Variants in IDE observed in about 807,000 individuals in gnomAD.
IDE encodes insulin-degrading enzyme.
IDE carries 58 observed loss-of-function variants against 133.2 expected under a neutral mutation model. The observed-to-expected ratio is 0.44, with a 90% CI of 0.35 to 0.54. The LOEUF (loss-of-function observed/expected upper bound fraction) is 0.54, where lower values mean the gene tolerates loss of function less well. Ranked by LOEUF, IDE falls within the 20% of genes least tolerant of loss-of-function variation. IDE has a pLI of 0.00. For synonymous variants in IDE, 396 were observed against 421.3 expected (o/e 0.94, Z 0.73); for missense variants, 981 against 1,234.0 (o/e 0.79, Z 3.07).
At chr10:92,495,575 T>C (rs1205150232) in intron 11 of IDE, among the ~76,000 whole-genome samples, 1 of 151,986 alleles carries the variant, frequency 6.6e-6, no homozygotes, top group African/African-American at 2.4e-5. Context: ...GGTCTCCAAC[T>C]CCTGACCTCA....
intron 3 of IDE, among the ~76,000 whole-genome samples, chr10:92,533,269 T>C (rs1420969216): frequency 6.6e-6 from 1 of 152,144 alleles, no homozygotes; most frequent in Non-Finnish European, 1.5e-5. Context: ...AGAGATGAAA[T>C]TCAGTGTATG....
At chr10:92,538,142 A>C (rs1201891222) in intron 1 of IDE, among the ~76,000 whole-genome samples, 3 of 152,150 alleles carry the variant, frequency 2.0e-5, no homozygotes, top group Non-Finnish European at 4.4e-5. Context: ...CCAATGTGCT[A>C]GGATTACAAG....
Position 92,461,210 on chromosome 10 carries a change from T to C in IDE, c.2804A>G (p.Asp935Gly). The C allele has an allele frequency of 2.8e-6, 4 of 1,440,400 alleles. No homozygotes were observed. Among genetic ancestry groups the C allele is most frequent in the Non-Finnish European group, 3.9e-6 (4 of 1,023,154 alleles). 89.2% of individuals were successfully genotyped at this position (1,440,400 alleles called of 1,614,324 possible). A position where few individuals can be genotyped will look rare whatever the true frequency, so the allele number is the denominator to read the frequency against. Residue 935 changes from aspartate to glycine, a missense_variant, in exon 22 of 25, where the codon GAT becomes GGT. This residue lies in a region of IDE where 660 missense variants were observed against 894.7 expected (regional missense o/e 0.74). Transcript: ENST00000265986. ...VAYLKTLTKE[D>G]IIKFYKEMLA... Reference sequence around the variant, plus strand: ...ACTTACCTTGTAGAATTTGATGATATCTTCCTTGGTAAGTGTCTTTAAATA... The same window carrying C: ...ACTTACCTTGTAGAATTTGATGATACCTTCCTTGGTAAGTGTCTTTAAATA...
intron 13 of IDE, among the ~76,000 whole-genome samples, chr10:92,485,301 A>G (rs1846921928): frequency 6.6e-6 from 1 of 151,658 alleles, no homozygotes. Flanking sequence ...AATTTTTTTT[A>G]GTAGAGACGG....
At chr10:92,493,384 G>A (rs975994404) in intron 11 of IDE, among the ~76,000 whole-genome samples, 20 of 151,274 alleles carry the variant, frequency 1.3e-4, no homozygotes, top group African/African-American at 3.9e-4. Flanking sequence ...TCCATGAAAC[G>A]CTTGATTTCT....
chr10:92,527,157 A>C (rs1849669072), intron 4 of IDE, among the ~76,000 whole-genome samples: 1 of 152,140 alleles, frequency 6.6e-6, no homozygotes, highest in Non-Finnish European at 1.5e-5. Flanking sequence ...AGCGAACCAG[A>C]CTCAGTGGCA....
At chr10:92,515,192 T>C (rs373229782) in intron 4 of IDE, 150 bp from the exon 5 acceptor site, 19 of 615,892 alleles carry the variant, frequency 3.1e-5, no homozygotes, top group East Asian at 1.1e-4. Flanking sequence ...GTTAAGTGAA[T>C]AAACAGGATA....
chr10:92,543,118 C>T (rs1453104698), intron 1 of IDE, among the ~76,000 whole-genome samples: 1 of 152,158 alleles, frequency 6.6e-6, no homozygotes. Context: ...GGTGAGTGAT[C>T]ACGTTAATAG....
intron 4 of IDE, among the ~76,000 whole-genome samples, chr10:92,516,257 G>A (rs889970715): frequency 7.2e-5 from 11 of 152,056 alleles, no homozygotes; most frequent in Non-Finnish European, 7.4e-5. Flanking sequence ...ACTTTGGGAG[G>A]CCAAGATGGG....
rs1011432494 is a variant in IDE at position 92,573,939 on chromosome 10, A to C, written c.81T>G (p.Pro27=). The C allele has an allele frequency of 6.8e-7, 1 of 1,468,634 alleles. No individual in the cohort carries two copies. The highest frequency in any genetic ancestry group is 1.4e-5 in the South Asian group (1 of 73,540). 91.0% of individuals were successfully genotyped at this position (1,468,634 alleles called of 1,614,324 possible). Residue 27 remains proline, a synonymous_variant, in exon 1 of 25, where the codon CCT becomes CCG. Transcript: ENST00000265986. ...FRSVLGARLP[P]PERLCGFQKK... ...CCGCTTACCCACACAGGCGCTCCGG[A>C]GGCGGCAGGCGGGCGCCGAGGACTG...
intron 22 of IDE, among the ~76,000 whole-genome samples, chr10:92,460,888 A>T (rs520711): frequency 0.85 from 129,387 of 152,262 alleles, 55,197 homozygotes; most frequent in East Asian, 0.94. Context: ...TCACCCAGAC[A>T]GGAGTGCAGT....
Position 92,507,620 on chromosome 10 carries a change from C to T in IDE, c.1200G>A (p.Lys400=). Residue 400 remains lysine (K), a synonymous_variant, in exon 9 of 25, where the codon AAG becomes AAA. Transcript: ENST00000265986. ...ATTCTTGAGGTCCTTCTGCACGTAA[C>T]TTCTGAATGTATTGAAACATGTGCA... ...IILHMFQYIQ[K]LRAEGPQEWV... 6.2e-7 allele frequency: 1 copy of T among 1,610,322 alleles called. No individual in the cohort carries two copies. Among genetic ancestry groups the T allele is most frequent in the Non-Finnish European group, 8.5e-7 (1 of 1,176,528 alleles).
chr10:92,496,719 G>A lies in IDE; in HGVS notation c.1431-6124C>T, dbSNP rs534388105. 4.2e-4 allele frequency among the ~76,000 whole-genome samples: 64 copies of A among 152,342 alleles called. 1 individual carries two copies. The highest frequency in any genetic ancestry group is 1.5e-3 in the African/African-American group (62 of 41,576). On this transcript the variant is annotated intron_variant, in intron 11 of 24. Transcript: ENST00000265986. ...GAGAATCCTTTGAACCCAGGAGGCC[G>A]AGGCTGCAGTGAGCCGAGATTGTGC...
rs143927035 is a variant in IDE, at chr10:92,520,067, T to C, written c.662-5025A>G. 1.8e-3 allele frequency among the ~76,000 whole-genome samples: 275 copies of C among 152,264 alleles called. 3 individuals are homozygous for C. The East Asian group carries it at 0.038, about 21-fold the overall frequency. ...TTGCAGTAAGCCGAAATCAAGCCAC[T>C]GCACTCCAGCCTGGGTGACAGAGCA... On this transcript the variant is annotated intron_variant, in intron 4 of 24. Coordinates refer to ENST00000265986, the MANE Select transcript of IDE (RefSeq NM_004969.4).
chr10:92,515,078 A>G, intron 4 of IDE, 36 bp from the exon 5 acceptor site: 1 of 1,545,528 alleles, frequency 6.5e-7, no homozygotes, highest in Non-Finnish European at 8.8e-7. Flanking sequence ...TAGAAAAAGC[A>G]AAATATGTGG....
intron 11 of IDE, among the ~76,000 whole-genome samples, chr10:92,501,114 C>T (rs1282302089): frequency 1.3e-5 from 2 of 149,924 alleles, no homozygotes; most frequent in Non-Finnish European, 3.0e-5. Flanking sequence ...AATCCCAGCA[C>T]TTTGGGAGGC....
intron 12 of IDE, among the ~76,000 whole-genome samples, chr10:92,488,606 T>C (rs952139729): frequency 6.6e-6 from 1 of 151,944 alleles, no homozygotes. Flanking sequence ...TGAAACCTCA[T>C]ATCTATTAAA....
rs374236596 is a variant in IDE at position 92,470,316 on chromosome 10, T to C, written c.2146A>G (p.Ile716Val). ...TGCAGCCGTGACAGGAGCTGAGGTA[T>C]GAAGGCCTTAAGGCGAGGAAGGGTT... is the stretch of plus-strand genomic sequence containing the variant. ...DVTLPRLKAFIPQLLSRLHIE... is the reference protein window; with the variant it reads ...DVTLPRLKAFVPQLLSRLHIE... The change falls in exon 18 of 25, where the codon ATA becomes GTA. Residue 716 changes from isoleucine to valine, a missense_variant. Coordinates refer to ENST00000265986, the MANE Select transcript of IDE (RefSeq NM_004969.4). 14 of 1,606,218 alleles carry C rather than the reference T, an allele frequency of 8.7e-6. No homozygotes were observed. The African/African-American group carries it at 1.7e-4, about 20-fold the overall frequency.
chr10:92,463,714 C>T lies in IDE; in HGVS notation c.2761+17G>A, dbSNP rs1374087044. On this transcript the variant is annotated intron_variant, in intron 21 of 24. Transcript: ENST00000265986. ...TACTTGAATGCCATAAATGTTGGAG[C>T]CCTAATTTTACCTTACCTCTGTCAA... 1 of 1,605,866 alleles carries T rather than the reference C, an allele frequency of 6.2e-7. No individual in the cohort carries two copies. Among genetic ancestry groups the T allele is most frequent in the Admixed American group, 1.7e-5 (1 of 59,616 alleles).
Sources: gnomAD v4.1 joint callset for allele counts (sites outside exome capture counted in the v4.1 genomes callset) on GRCh38, gnomAD v4.1.1 for gene constraint, gnomAD v4.1.1 regional missense constraint, MANE v1.5 for transcripts, NCBI Gene and HGNC (gene_info 2026-07-23, HGNC 2026-07-21) for gene names.